IGF2BP3: variants seen among roughly 807,000 people sequenced by gnomAD.
IGF2BP3 encodes the protein insulin-like growth factor 2 mRNA-binding protein 3.
In IGF2BP3, 9 loss-of-function variants were observed where a neutral mutation model predicts 73.8. That is an observed-to-expected ratio of 0.12 (90% CI 0.07 to 0.21). IGF2BP3 has a LOEUF of 0.21. IGF2BP3 is among the 10% of genes least tolerant of loss of function. IGF2BP3 has a pLI of 1.00. For missense variants in IGF2BP3, 542 were observed against 714.0 expected (o/e 0.76, Z 2.75); for synonymous variants, 258 against 256.7 (o/e 1.01, Z -0.05).
chr7:23,457,662 A>C (rs1189485004), intron 2 of IGF2BP3, among the ~76,000 whole-genome samples: 1 of 152,226 alleles, frequency 6.6e-6, no homozygotes, highest in African/African-American at 2.4e-5. Flanking sequence ...GTAAAAGCAC[A>C]AATTATAAAC....
chr7:23,399,947 G>A (rs187778187), intron 3 of IGF2BP3, among the ~76,000 whole-genome samples: 59 of 152,248 alleles, frequency 3.9e-4, no homozygotes, highest in Non-Finnish European at 5.1e-4. Flanking sequence ...TGAGCCATAT[G>A]AGCCAGTTTT....
chr7:23,401,166 TAC>T (rs1294650019), intron 3 of IGF2BP3, among the ~76,000 whole-genome samples: 1 of 152,204 alleles, frequency 6.6e-6, no homozygotes, highest in Non-Finnish European at 1.5e-5. Context: ...TTTCTGCTGA[TAC>T]AGAGTAACTA....
chr7:23,403,851 G>A (rs545658527), intron 3 of IGF2BP3, among the ~76,000 whole-genome samples: 6 of 152,120 alleles, frequency 3.9e-5, no homozygotes, highest in South Asian at 2.1e-4. Flanking sequence ...GGCCAGGCAC[G>A]GTGACTCACG....
At chr7:23,340,852 T>C (rs1300105574) in intron 10 of IGF2BP3, among the ~76,000 whole-genome samples, 2 of 145,058 alleles carry the variant, frequency 1.4e-5, no homozygotes, top group Non-Finnish European at 3.0e-5. Flanking sequence ...TCTTTTTCTT[T>C]TTTTTTTTTT....
intron 10 of IGF2BP3, among the ~76,000 whole-genome samples, chr7:23,319,785 C>G (rs1051658469): frequency 6.6e-6 from 1 of 152,134 alleles, no homozygotes; most frequent in African/African-American, 2.4e-5. Flanking sequence ...GAAACCTTAC[C>G]ACTGTCATTC....
chr7:23,428,394 C>A (rs1003051305), intron 2 of IGF2BP3, among the ~76,000 whole-genome samples: 3 of 151,988 alleles, frequency 2.0e-5, no homozygotes, highest in Non-Finnish European at 4.4e-5. Flanking sequence ...ATCGCTTGAA[C>A]TCGGGAGGCG....
In IGF2BP3 at chr7:23,312,496, C is replaced by T. The variant is rs763622176; in HGVS notation, c.1642-36G>A. ...ACAGAGCTTTGAAATTCCACTTGAT[C>T]AAAAGCTACTAAAAGTTATTGTACT... On this transcript the variant is annotated intron_variant, in intron 14 of 14. Coordinates refer to ENST00000258729, the MANE Select transcript of IGF2BP3 (RefSeq NM_006547.3). 3.5e-6 allele frequency: 5 copies of T among 1,420,422 alleles called. No homozygotes were observed. In the Admixed American group the frequency reaches 8.4e-5, roughly 24 times the overall value. 88.0% of individuals were successfully genotyped at this position (1,420,422 alleles called of 1,614,324 possible).
chr7:23,464,608 T>C (rs535487379), intron 2 of IGF2BP3, among the ~76,000 whole-genome samples: 16 of 151,876 alleles, frequency 1.1e-4, no homozygotes, highest in African/African-American at 3.9e-4. Flanking sequence ...CGCTTGAACC[T>C]GGGAGGCAGA....
chr7:23,430,278 T>C (rs1787637160), intron 2 of IGF2BP3, among the ~76,000 whole-genome samples: 1 of 152,060 alleles, frequency 6.6e-6, no homozygotes, highest in East Asian at 1.9e-4. Context: ...AGAGACGGGG[T>C]TTCACCATGC....
intron 2 of IGF2BP3, among the ~76,000 whole-genome samples, chr7:23,446,182 T>C (rs1311335930): frequency 6.6e-6 from 1 of 152,200 alleles, no homozygotes; most frequent in Non-Finnish European, 1.5e-5. Context: ...CTGTAACATG[T>C]TATAATCTAT....
intron 3 of IGF2BP3, among the ~76,000 whole-genome samples, chr7:23,369,499 A>G (rs928913969): frequency 4.6e-5 from 7 of 152,138 alleles, no homozygotes; most frequent in East Asian, 1.9e-4. Context: ...TCTCTTTACA[A>G]AAGAACCTAT....
At chr7:23,329,849 A>G (rs996356720) in intron 10 of IGF2BP3, among the ~76,000 whole-genome samples, 1 of 152,140 alleles carries the variant, frequency 6.6e-6, no homozygotes, top group Admixed American at 6.5e-5. Context: ...GAATTGAAAA[A>G]ACTGAGCCAG....
At chr7:23,443,804 T>C (rs983404867) in intron 2 of IGF2BP3, among the ~76,000 whole-genome samples, 2 of 151,402 alleles carry the variant, frequency 1.3e-5, no homozygotes, top group African/African-American at 4.9e-5. Context: ...GGTCAGGAGA[T>C]TGAGACCATC....
chr7:23,371,061 A>G (rs937237846), intron 3 of IGF2BP3, among the ~76,000 whole-genome samples: 1 of 152,186 alleles, frequency 6.6e-6, no homozygotes, highest in African/African-American at 2.4e-5. Context: ...ATAGAAGTGG[A>G]ACAAGCATTA....
chr7:23,376,893 T>C (rs945673019), intron 3 of IGF2BP3, among the ~76,000 whole-genome samples: 5 of 152,266 alleles, frequency 3.3e-5, no homozygotes, highest in East Asian at 1.9e-4. Context: ...CCTTGAAAGA[T>C]TGCTAATCTT....
At chr7:23,442,408 G>GT (rs56817921) in intron 2 of IGF2BP3, among the ~76,000 whole-genome samples, 54,358 of 151,484 alleles carry the variant, frequency 0.36, 10,048 homozygotes, top group Middle Eastern at 0.42. Context: ...TTTTTGTTTT[G>GT]TTTTTTTTAG....
At chr7:23,432,242 G>C (rs929690128) in intron 2 of IGF2BP3, among the ~76,000 whole-genome samples, 1 of 152,158 alleles carries the variant, frequency 6.6e-6, no homozygotes, top group African/African-American at 2.4e-5. Context: ...CACTAGAAGA[G>C]TCCAAAAAAG....
intron 3 of IGF2BP3, among the ~76,000 whole-genome samples, chr7:23,382,154 G>A (rs1177812206): frequency 6.6e-6 from 1 of 152,122 alleles, no homozygotes; most frequent in African/African-American, 2.4e-5. Flanking sequence ...GCCGAGGTGG[G>A]AGGATCACTT....
In IGF2BP3 at chr7:23,312,370, G is replaced by C. The variant is rs141308145; in HGVS notation, c.1732C>G (p.Arg578Gly). Residue 578 changes from arginine (R) to glycine (G), a missense_variant, in exon 15 of 15, where the codon CGG becomes GGG. Coordinates refer to ENST00000258729, the MANE Select transcript of IGF2BP3 (RefSeq NM_006547.3). ...GGCTGTTTCCTGAGCCTTTACTTCCGTCTTGACTGAGGTGGTCCACTTTGC... is the reference window on the plus strand; with the variant it reads ...GGCTGTTTCCTGAGCCTTTACTTCCCTCTTGACTGAGGTGGTCCACTTTGC... The part of the protein sequence containing the change: ...ALQSGPPQSR[R>G]K The C allele has an allele frequency of 1.9e-6, 3 of 1,610,596 alleles. No individual in the cohort carries two copies. The highest frequency in any genetic ancestry group is 4.5e-5 in the East Asian group (2 of 44,874).
Sources: allele counts gnomAD v4.1 joint callset (sites outside exome capture counted in the v4.1 genomes callset), GRCh38; gene constraint gnomAD v4.1.1; transcripts MANE v1.5; gene names NCBI Gene and HGNC (gene_info 2026-07-23, HGNC 2026-07-21).